Variants in PRMT5 observed in about 807,000 individuals in gnomAD.
PRMT5 encodes protein arginine N-methyltransferase 5.
A neutral mutation model predicts 84.0 loss-of-function variants in PRMT5; 15 were observed. The observed-to-expected ratio is 0.18, with a 90% CI of 0.12 to 0.28. PRMT5 has a LOEUF of 0.28. Among genes scored for constraint, PRMT5 ranks in the 10% least tolerant of loss-of-function variants. The pLI, the probability that PRMT5 is intolerant of heterozygous loss-of-function variation, is 1.00. For missense variants in PRMT5, 486 were observed against 808.0 expected, an observed-to-expected ratio of 0.60 and a Z score of 4.83; for synonymous variants, 276 against 292.4, an observed-to-expected ratio of 0.94 and a Z score of 0.57.
At chr14:22,922,879 CAA>C (rs1374690318) in intron 13 of PRMT5, 44 bp from the exon 14 acceptor site, 2 of 1,570,000 alleles carry the variant, frequency 1.3e-6, no homozygotes, top group East Asian at 2.2e-5. Context: ...GGAAGACACA[CAA>C]GAGAGAACTA....
intron 16 of PRMT5, among the ~76,000 whole-genome samples, chr14:22,921,509 A>G (rs1271327614): frequency 1.3e-5 from 2 of 152,246 alleles, no homozygotes; most frequent in Non-Finnish European, 2.9e-5. Context: ...CGATCACATC[A>G]AGTCTTACAA....
In PRMT5 at chr14:22,928,858, G is replaced by T. The variant is rs541114556; in HGVS notation, c.111-243C>A. ...AGAAAATGATGGATATCCACAAGTAGAATTTTTTTCTCCTCAGGTGTCAGT... is the reference window on the plus strand; with the variant it reads ...AGAAAATGATGGATATCCACAAGTATAATTTTTTTCTCCTCAGGTGTCAGT... On this transcript the variant is annotated intron_variant, in intron 1 of 16. Coordinates refer to ENST00000324366, the MANE Select transcript of PRMT5 (RefSeq NM_006109.5). The surrounding 1 kb of genome is among the most constrained non-coding windows in gnomAD (Gnocchi z 4.8). Among the ~76,000 whole-genome samples the T allele has an allele frequency of 3.3e-5, 5 of 152,232 alleles. No homozygotes were observed. In the South Asian group the frequency reaches 1.0e-3, roughly 32 times the overall value.
rs1262568622 is a variant in PRMT5, at chr14:22,923,122, G to C, written c.1414C>G (p.Leu472Val). 2.5e-6 allele frequency: 4 copies of C among 1,613,664 alleles called. No homozygotes were observed. In the East Asian group the frequency reaches 8.9e-5, roughly 36 times the overall value. ...VSIPGEYTSF[L>V]APISSSKLYN... The stretch of plus-strand genomic sequence containing the variant: ...AGCTTGGAGGAAGAGATGGGAGCCA[G>C]AAAGGAAGTGTACTCCCCGGGGATG... The change falls in exon 13 of 17, where the codon CTG becomes GTG. Residue 472 changes from leucine (L) to valine (V), a missense_variant. Transcript: ENST00000324366. This position sits in a 1 kb window ranked among gnomAD's most constrained non-coding sequence, Gnocchi z 5.2.
rs1255511440 is a variant in PRMT5 at position 22,921,050 on chromosome 14, T to C, written c.1768A>G (p.Ile590Val). The C allele has an allele frequency of 2.5e-6, 4 of 1,614,130 alleles. No homozygotes were observed. The highest frequency in any genetic ancestry group is 2.2e-5 in the East Asian group (1 of 44,878). ...ATGGTTTGGCCTTCACGTACCGTTA[T>C]GGGCTGCTGTAAGAAGAAAGACAGG... ...FPILFPIKQP[I>V]TVREGQTICV... The change falls in exon 17 of 17, where the codon ATA (isoleucine) becomes GTA (valine). Residue 590 changes from isoleucine to valine, a missense_variant. By Grantham distance (29) the Ile-to-Val change is conservative. Coordinates refer to ENST00000324366, the MANE Select transcript of PRMT5 (RefSeq NM_006109.5).
At position 22,927,600 on chromosome 14, in the gene PRMT5, G is replaced by C. The variant is rs368112038; in HGVS notation, c.376C>G (p.Leu126Val). The C allele has an allele frequency of 4.3e-5, 69 of 1,613,982 alleles. No homozygotes were observed. The highest frequency in any genetic ancestry group is 5.4e-5 in the Non-Finnish European group (64 of 1,180,016). Residue 126 changes from leucine (L) to valine (V), a missense_variant, in exon 4 of 17, where the codon CTT (leucine) becomes GTT (valine). By Grantham distance (32) the Leu-to-Val change is conservative (BLOSUM62 1). Around this residue, in one of 4 missense-constraint regions of PRMT5, gnomAD observed 215 missense variants for 301.1 expected, o/e 0.71. Transcript: ENST00000324366. ...YLGLPAFLLP[L>V]NQEDNTNLAR... ...AGGTTGGTGTTATCTTCCTGATTAAGGGGCAGCAGGAAAGCTGGAAGACCC... is the reference window on the plus strand; with the variant it reads ...AGGTTGGTGTTATCTTCCTGATTAACGGGCAGCAGGAAAGCTGGAAGACCC...
rs958616082 is a variant in PRMT5, at chr14:22,923,267, T to A, written c.1376-107A>T. ...CCTCCCATGTCAAAACCAACCAACG[T>A]TGGCATGGGCATGGAAGAAAGAGAC... On this transcript the variant is annotated intron_variant, in intron 12 of 16. Transcript: ENST00000324366. This position sits in a 1 kb window ranked among gnomAD's most constrained non-coding sequence, Gnocchi z 5.2. 1.7e-5 allele frequency: 13 copies of A among 763,360 alleles called. No homozygotes were observed. Among genetic ancestry groups the A allele is most frequent in the Admixed American group, 1.3e-4 (4 of 31,970 alleles). 47.3% of individuals were successfully genotyped at this position (763,360 alleles called of 1,614,324 possible).
Position 22,923,903 on chromosome 14 carries a change from GAT to G in PRMT5, c.1375+103_1375+104del. The G allele has an allele frequency of 5.5e-6, 7 of 1,281,792 alleles. No homozygotes were observed. Among genetic ancestry groups the G allele is most frequent in the Admixed American group, 2.4e-5 (1 of 41,392 alleles). The allele number at this position is 1,281,792 out of a possible 1,614,324, so 79.4% of individuals were successfully genotyped here. On this transcript the variant is annotated intron_variant, in intron 12 of 16. Coordinates refer to ENST00000324366, the MANE Select transcript of PRMT5 (RefSeq NM_006109.5). The surrounding 1 kb of genome is among the most constrained non-coding windows in gnomAD (Gnocchi z 5.2). The stretch of plus-strand genomic sequence containing the variant: ...GAAGCAGTGGCTCTCAAACTCATAT[GAT>G]GTGACCCAGGTCCAACCCACTTTCC...
At chr14:22,925,671 T>G (rs1307801276) in intron 7 of PRMT5, among the ~76,000 whole-genome samples, 1 of 151,874 alleles carries the variant, frequency 6.6e-6, no homozygotes, top group East Asian at 1.9e-4. Flanking sequence ...ATACAAAAAT[T>G]AGCCGGGCAG....
chr14:22,921,116 TTAAGG>T, intron 16 of PRMT5, 60 bp from the exon 17 acceptor site: 1 of 1,588,344 alleles, frequency 6.3e-7, no homozygotes, highest in South Asian at 1.1e-5. Context: ...TGGCAATGTA[TTAAGG>T]TAGGTGTGGA....
rs1229369352 is a variant in PRMT5 at position 22,924,607 on chromosome 14, C to T, written c.1017+25G>A. ...CCAGGTCATGCTGGCCCTGTGCTTT[C>T]CTCACCCTGGGCACCACACAGTACC... On this transcript the variant is annotated intron_variant, in intron 9 of 16. Transcript: ENST00000324366. The surrounding 1 kb of genome is among the most constrained non-coding windows in gnomAD (Gnocchi z 6.5). The T allele has an allele frequency of 1.2e-6, 2 of 1,612,932 alleles. No homozygotes were observed. The highest frequency in any genetic ancestry group is 1.7e-6 in the Non-Finnish European group (2 of 1,179,070).
chr14:22,928,298 GA>G lies in PRMT5; in HGVS notation c.230-88del, dbSNP rs2044472339. The G allele has an allele frequency of 6.9e-7, 1 of 1,439,578 alleles. No individual in the cohort carries two copies. The highest frequency in any genetic ancestry group is 9.7e-7 in the Non-Finnish European group (1 of 1,029,054). The allele number at this position is 1,439,578 out of a possible 1,614,324, so 89.2% of individuals were successfully genotyped here. A position where few individuals can be genotyped will look rare whatever the true frequency, so the allele number is the denominator to read the frequency against. On this transcript the variant is annotated intron_variant, in intron 2 of 16. Coordinates refer to ENST00000324366, the MANE Select transcript of PRMT5 (RefSeq NM_006109.5). This position sits in a 1 kb window ranked among gnomAD's most constrained non-coding sequence, Gnocchi z 4.8. ...TTTTTAGTTTTGGGAATCAAGAGTA[GA>G]AATGAGAGACAAAGGTTTTTTCTAC...
At chr14:22,922,061 A>G (rs1175484001) in intron 16 of PRMT5, 115 bp downstream of exon 16, 1 of 963,570 alleles carries the variant, frequency 1.0e-6, no homozygotes, top group Non-Finnish European at 1.6e-6. Context: ...CCAAGAGCAT[A>G]TGAAATCAGG....
chr14:22,925,302 G>A (rs1165275261), intron 7 of PRMT5, among the ~76,000 whole-genome samples: 1 of 151,898 alleles, frequency 6.6e-6, no homozygotes, highest in Non-Finnish European at 1.5e-5. Context: ...GACTACAGGT[G>A]CGTGCCACCA....
intron 7 of PRMT5, among the ~76,000 whole-genome samples, chr14:22,925,641 A>G (rs1308212539): frequency 6.6e-6 from 1 of 151,984 alleles, no homozygotes; most frequent in Non-Finnish European, 1.5e-5. Context: ...CCAACATGAT[A>G]AAACCTGTCT....
At position 22,923,881 on chromosome 14, in the gene PRMT5, G is replaced by A. The variant is rs2044359159; in HGVS notation, c.1375+127C>T. The A allele has an allele frequency of 2.0e-6, 2 of 994,594 alleles. No individual in the cohort carries two copies. Among genetic ancestry groups the A allele is most frequent in the Non-Finnish European group, 2.9e-6 (2 of 686,946 alleles). The allele number at this position is 994,594 out of a possible 1,614,324, so 61.6% of individuals were successfully genotyped here. A position where few individuals can be genotyped will look rare whatever the true frequency, so the allele number is the denominator to read the frequency against. ...TTGCTAGGGGCACAGAGGCAGTGAA[G>A]CAGTGGCTCTCAAACTCATATGATG... On this transcript the variant is annotated intron_variant, in intron 12 of 16. Transcript: ENST00000324366. This position sits in a 1 kb window ranked among gnomAD's most constrained non-coding sequence, Gnocchi z 5.2.
chr14:22,928,114 A>C lies in PRMT5; in HGVS notation c.315+12T>G. On this transcript the variant is annotated intron_variant, in intron 3 of 16. Transcript: ENST00000324366. This position sits in a 1 kb window ranked among gnomAD's most constrained non-coding sequence, Gnocchi z 4.8. ...GTTAGAAAAATCCAGCAGAGAAGTC[A>C]AACAGTCTTACCGCCTCGGAGTTCC... The C allele has an allele frequency of 6.2e-7, 1 of 1,611,550 alleles. No homozygotes were observed.
Position 22,922,221 on chromosome 14 carries a change from G to T in PRMT5, c.1716C>A (p.His572Gln). The T allele has an allele frequency of 6.3e-7, 1 of 1,598,652 alleles. No homozygotes were observed. ...GAAACCATGAGAACATCCCAGGAGA[G>T]TGAGTCTCTGGACGGATACCTGTGT... is the stretch of plus-strand genomic sequence containing the variant. ...DITLSIRPET[H>Q]SPGMFSWFPI... The change falls in exon 16 of 17, where the codon CAC becomes CAA. Residue 572 changes from histidine to glutamine, a missense_variant. Around this residue, in one of 4 missense-constraint regions of PRMT5, gnomAD observed 219 missense variants for 433.6 expected, o/e 0.51. Coordinates refer to ENST00000324366, the MANE Select transcript of PRMT5 (RefSeq NM_006109.5).
intron 1 of PRMT5, 113 bp downstream of exon 1, chr14:22,929,139 C>T (rs1566637432): frequency 6.2e-7 from 1 of 1,613,418 alleles, no homozygotes; most frequent in Non-Finnish European, 8.5e-7. Context: ...ATAGTCTCTC[C>T]CCTCCTCATC....
Position 22,928,340 on chromosome 14 carries a change from C to A in PRMT5, c.230-129G>T. 8.6e-7 allele frequency: 1 copy of A among 1,167,356 alleles called. No individual in the cohort carries two copies. The highest frequency in any genetic ancestry group is 1.3e-5 in the South Asian group (1 of 77,270). 72.3% of individuals were successfully genotyped at this position (1,167,356 alleles called of 1,614,324 possible). On this transcript the variant is annotated intron_variant, in intron 2 of 16. Coordinates refer to ENST00000324366, the MANE Select transcript of PRMT5 (RefSeq NM_006109.5). The surrounding 1 kb of genome is among the most constrained non-coding windows in gnomAD (Gnocchi z 4.8). ...TTTTTTCTACATAGACATGGGATAG[C>A]CTGATGCAGAATAGAGAAGCAAGGA...
Sources: allele counts gnomAD v4.1 joint callset (sites outside exome capture counted in the v4.1 genomes callset), GRCh38; gene constraint gnomAD v4.1.1; regional missense constraint gnomAD v4.1.1; non-coding constraint Gnocchi (gnomAD v3.1); transcripts MANE v1.5; gene names NCBI Gene and HGNC (gene_info 2026-07-23, HGNC 2026-07-21).